The following CMC1 variants were observed in gnomAD, a reference collection of about 807,000 sequenced individuals.
CMC1 encodes the protein COX assembly mitochondrial protein homolog.
In CMC1, 14 loss-of-function variants were observed where a neutral mutation model predicts 14.1. The observed-to-expected ratio is 0.99, with a 90% CI of 0.66 to 1.55. CMC1 has a LOEUF of 1.55. CMC1 is among the 40% of genes most tolerant of loss of function. CMC1 has a pLI of 0.00. For missense variants in CMC1, 127 were observed against 123.8 expected (o/e 1.03, Z -0.12); for synonymous variants, 50 against 38.4 (o/e 1.30, Z -1.12).
chr3:28,323,901 G>A lies in CMC1; in HGVS notation c.*4272G>A, dbSNP rs925141771. On this transcript the variant is annotated 3_prime_UTR_variant, in exon 4 of 4. Coordinates refer to ENST00000466830, the MANE Select transcript of CMC1 (RefSeq NM_182523.2). ...CAACTATGTTGGTTTTTGTACTATTGTACAGTGTGTTCAAATATAGATACT... is the reference window on the plus strand; with the variant it reads ...CAACTATGTTGGTTTTTGTACTATTATACAGTGTGTTCAAATATAGATACT... 5 of 932,556 alleles carry A rather than the reference G, an allele frequency of 5.4e-6. No homozygotes were observed. The African/African-American group carries it at 6.8e-5, about 13-fold the overall frequency. 57.8% of individuals were successfully genotyped at this position (932,556 alleles called of 1,614,324 possible).
chr3:28,312,547 G>A (rs1702689430), intron 2 of CMC1, among the ~76,000 whole-genome samples: 1 of 152,020 alleles, frequency 6.6e-6, no homozygotes, highest in South Asian at 2.1e-4. Context: ...TTTATCCTTT[G>A]CTCAATTAAG....
intron 1 of CMC1, chr3:28,253,709 A>G (rs1699253975): frequency 7.9e-7 from 1 of 1,263,268 alleles, no homozygotes; most frequent in African/African-American, 1.5e-5. Flanking sequence ...TATTACAAGC[A>G]TTTTTCATGT....
At chr3:28,302,175 G>A (rs1400688004) in intron 2 of CMC1, among the ~76,000 whole-genome samples, 2 of 152,160 alleles carry the variant, frequency 1.3e-5, no homozygotes, top group Non-Finnish European at 2.9e-5. Flanking sequence ...CCACTTGCAA[G>A]TATGAAAAAG....
chr3:28,321,501 T>C lies in CMC1; in HGVS notation c.*1872T>C, dbSNP rs189142646. 2.4e-4 allele frequency: 36 copies of C among 151,550 alleles called. No individual in the cohort carries two copies. The highest frequency in any genetic ancestry group is 4.4e-4 in the Non-Finnish European group (30 of 67,562). 9.4% of individuals were successfully genotyped at this position (151,550 alleles called of 1,614,324 possible). ...TTCATTGTAGCCTTCAGAATACCCA[T>C]GTGTATCCATACTGAAGATTTTTTT... is the stretch of plus-strand genomic sequence containing the variant. On this transcript the variant is annotated 3_prime_UTR_variant, in exon 4 of 4. Coordinates refer to ENST00000466830, the MANE Select transcript of CMC1 (RefSeq NM_182523.2).
intron 2 of CMC1, among the ~76,000 whole-genome samples, chr3:28,290,073 A>G (rs916957602): frequency 2.0e-5 from 3 of 152,090 alleles, no homozygotes; most frequent in South Asian, 4.1e-4. Context: ...CTAATTTTGA[A>G]CAGTATTGAG....
intron 1 of CMC1, among the ~76,000 whole-genome samples, chr3:28,260,166 C>T (rs1161486626): frequency 3.3e-5 from 5 of 152,082 alleles, no homozygotes; most frequent in South Asian, 2.1e-4. Context: ...GGAATAAGTC[C>T]AACATTTTTG....
chr3:28,310,470 A>T (rs1222857855), intron 2 of CMC1, among the ~76,000 whole-genome samples: 1 of 152,248 alleles, frequency 6.6e-6, no homozygotes, highest in Non-Finnish European at 1.5e-5. Flanking sequence ...GTGAATCATT[A>T]ATTAACTCAT....
chr3:28,273,248 T>A (rs147724505), intron 2 of CMC1, among the ~76,000 whole-genome samples: 2 of 152,240 alleles, frequency 1.3e-5, no homozygotes, highest in Admixed American at 6.5e-5. Context: ...AATTTCCCTC[T>A]TAACACTGCT....
intron 2 of CMC1, among the ~76,000 whole-genome samples, chr3:28,295,994 T>G (rs1334776910): frequency 6.6e-6 from 1 of 152,102 alleles, no homozygotes; most frequent in Non-Finnish European, 1.5e-5. Context: ...GAATAAGAAT[T>G]TTCATGCCCT....
chr3:28,286,485 T>C (rs1282543268), intron 2 of CMC1, among the ~76,000 whole-genome samples: 2 of 152,242 alleles, frequency 1.3e-5, no homozygotes, highest in Non-Finnish European at 2.9e-5. Context: ...AAGTATGTCT[T>C]TCTTATCTGC....
At chr3:28,261,833 C>T (rs554085872) in intron 1 of CMC1, among the ~76,000 whole-genome samples, 7 of 152,182 alleles carry the variant, frequency 4.6e-5, no homozygotes, top group African/African-American at 1.4e-4. Flanking sequence ...AAAAGTTGGC[C>T]TGAAAAGTTG....
intron 2 of CMC1, among the ~76,000 whole-genome samples, chr3:28,272,361 A>C (rs1700338360): frequency 6.6e-6 from 1 of 152,142 alleles, no homozygotes; most frequent in African/African-American, 2.4e-5. Flanking sequence ...TGGGTTTGTC[A>C]TGAATGGCTT....
At chr3:28,249,916 C>T (rs1303876498) in intron 1 of CMC1, among the ~76,000 whole-genome samples, 1 of 152,096 alleles carries the variant, frequency 6.6e-6, no homozygotes, top group Non-Finnish European at 1.5e-5. Context: ...TGCCTTCTCC[C>T]TGTGTGTTTA....
At chr3:28,300,457 A>C (rs1188892339) in intron 2 of CMC1, among the ~76,000 whole-genome samples, 2 of 152,118 alleles carry the variant, frequency 1.3e-5, no homozygotes, top group Non-Finnish European at 2.9e-5. Flanking sequence ...ACTAAACAGC[A>C]ATTTAGGGCA....
rs564551346 is a variant in CMC1, at chr3:28,247,868, T to G, written c.19+6056T>G. Among the ~76,000 whole-genome samples the G allele has an allele frequency of 2.6e-5, 4 of 152,286 alleles. No homozygotes were observed. The South Asian group carries it at 8.3e-4, about 32-fold the overall frequency. On this transcript the variant is annotated intron_variant, in intron 1 of 3. Transcript: ENST00000466830. The stretch of plus-strand genomic sequence containing the variant: ...GCTAAGCTGTACTTTTTTTTTTGTC[T>G]TCTAGGCCATCGTACATGCTGTTCT...
intron 2 of CMC1, among the ~76,000 whole-genome samples, chr3:28,280,095 G>A (rs4585155): frequency 0.47 from 70,819 of 152,086 alleles, 17,032 homozygotes; most frequent in Admixed American, 0.52. Context: ...TGTTCTGTAC[G>A]ACAGTTGAGA....
intron 2 of CMC1, among the ~76,000 whole-genome samples, chr3:28,307,915 C>T (rs1206992606): frequency 6.6e-6 from 1 of 152,098 alleles, no homozygotes; most frequent in Non-Finnish European, 1.5e-5. Flanking sequence ...GTTTCCTTGC[C>T]TTTTTCAGCA....
intron 3 of CMC1, chr3:28,316,663 G>T: frequency 3.3e-6 from 1 of 299,860 alleles, no homozygotes; most frequent in Non-Finnish European, 6.1e-6. Context: ...AAAAATATAT[G>T]ATTTTTCACT....
chr3:28,281,076 G>A (rs1700867736), intron 2 of CMC1, among the ~76,000 whole-genome samples: 1 of 152,062 alleles, frequency 6.6e-6, no homozygotes, highest in African/African-American at 2.4e-5. Flanking sequence ...CCTGACTCCT[G>A]GTTTAATCAA....
Sources: allele counts gnomAD v4.1 joint callset (sites outside exome capture counted in the v4.1 genomes callset), GRCh38; gene constraint gnomAD v4.1.1; transcripts MANE v1.5; gene names NCBI Gene and HGNC (gene_info 2026-07-23, HGNC 2026-07-21).